MARK2: variants seen among roughly 807,000 people sequenced by gnomAD.
MARK2 encodes the protein serine/threonine-protein kinase MARK2.
MARK2 carries 16 observed loss-of-function variants against 89.8 expected under a neutral mutation model. The ratio of observed to expected loss-of-function variants is 0.18; its 90% CI spans 0.12 to 0.27. The LOEUF (loss-of-function observed/expected upper bound fraction) is 0.27, where lower values mean the gene tolerates loss of function less well. MARK2 is among the 10% of genes least tolerant of loss of function. The pLI, the probability that MARK2 is intolerant of heterozygous loss-of-function variation, is 1.00. For synonymous variants in MARK2, 382 were observed against 399.5 expected (o/e 0.96, Z 0.52); for missense variants, 621 against 1,049.9 (o/e 0.59, Z 5.65).
At chr11:63,871,320 T>C (rs1938436250) in intron 1 of MARK2, among the ~76,000 whole-genome samples, 1 of 152,138 alleles carries the variant, frequency 6.6e-6, no homozygotes, top group African/African-American at 2.4e-5. Flanking sequence ...GTATTCACTG[T>C]GTGCAGGTGT....
chr11:63,863,518 G>A (rs1937941296), intron 1 of MARK2, among the ~76,000 whole-genome samples: 1 of 136,062 alleles, frequency 7.3e-6, no homozygotes. Context: ...AGGCTGGAGT[G>A]CAGTGGCGCA....
intron 1 of MARK2, among the ~76,000 whole-genome samples, chr11:63,878,065 C>T (rs1231940261): frequency 6.6e-6 from 1 of 152,222 alleles, no homozygotes; most frequent in African/African-American, 2.4e-5. Flanking sequence ...CCCAGTAAGG[C>T]AGGTATGAAG....
chr11:63,863,556 C>A (rs559907971), intron 1 of MARK2, among the ~76,000 whole-genome samples: 1 of 150,092 alleles, frequency 6.7e-6, no homozygotes, highest in East Asian at 2.0e-4. Context: ...CCTCTGCCTC[C>A]TGGGTTCAAG....
chr11:63,890,291 C>A (rs1252109669), intron 1 of MARK2: 3 of 1,343,626 alleles, frequency 2.2e-6, no homozygotes, highest in Non-Finnish European at 2.9e-6. Flanking sequence ...AGAAGGGGTG[C>A]AGGGGTAAGT....
At chr11:63,869,211 C>T in intron 1 of MARK2, 1 of 186,394 alleles carries the variant, frequency 5.4e-6, no homozygotes, top group Non-Finnish European at 1.1e-5. Context: ...GCTCCCCCCT[C>T]ACCCCACCCA....
chr11:63,875,968 T>C (rs1938727892), intron 1 of MARK2, among the ~76,000 whole-genome samples: 1 of 152,216 alleles, frequency 6.6e-6, no homozygotes, highest in African/African-American at 2.4e-5. Context: ...GGCCACACTG[T>C]GCACACGCAT....
rs1453561747 is a variant in MARK2 at position 63,902,569 on chromosome 11, C to T, written c.1235-32C>T. ...GGCTGGCACTCAGTGGACCCCTTGG[C>T]CTTACCCATTCCCATCCTCCCTCTG... On this transcript the variant is annotated intron_variant, in intron 12 of 18. Transcript: ENST00000402010. The surrounding 1 kb of genome is among the most constrained non-coding windows in gnomAD (Gnocchi z 4.2). 2 of 1,599,228 alleles carry T rather than the reference C, an allele frequency of 1.3e-6. No homozygotes were observed. The highest frequency in any genetic ancestry group is 1.7e-6 in the Non-Finnish European group (2 of 1,169,562).
In MARK2 at chr11:63,909,438, C is replaced by T; in HGVS notation, c.*201C>T. 1.9e-6 allele frequency: 1 copy of T among 514,586 alleles called. No homozygotes were observed. The allele number at this position is 514,586 out of a possible 1,614,324, so 31.9% of individuals were successfully genotyped here. On this transcript the variant is annotated 3_prime_UTR_variant, in exon 19 of 19. Transcript: ENST00000402010. ...TGTTCTCCAGCACCCCACATTCACC[C>T]CTGCCCAGAGATTCCCCCTTCTCCT...
At chr11:63,878,841 C>T (rs976995828) in intron 1 of MARK2, among the ~76,000 whole-genome samples, 5 of 152,150 alleles carry the variant, frequency 3.3e-5, no homozygotes, top group African/African-American at 1.2e-4. Context: ...TCACGTACCC[C>T]TTGAAATACT....
intron 1 of MARK2, among the ~76,000 whole-genome samples, chr11:63,866,374 GTGT>G (rs1938133177): frequency 6.7e-6 from 1 of 148,582 alleles, no homozygotes; most frequent in Non-Finnish European, 1.5e-5. Flanking sequence ...AAAAAAAGTA[GTGT>G]TTAAAAGCAA....
At chr11:63,866,433 C>T (rs1274913801) in intron 1 of MARK2, among the ~76,000 whole-genome samples, 13 of 151,970 alleles carry the variant, frequency 8.6e-5, no homozygotes, top group Admixed American at 5.9e-4. Flanking sequence ...GTGAAACAGC[C>T]GATAGGGCAG....
rs1940550110 is a variant in MARK2, at chr11:63,897,917, C to T, written c.289-315C>T. 2.0e-5 allele frequency among the ~76,000 whole-genome samples: 3 copies of T among 152,214 alleles called. No individual in the cohort carries two copies. The South Asian group carries it at 6.2e-4, about 32-fold the overall frequency. On this transcript the variant is annotated intron_variant, in intron 3 of 18. Coordinates refer to ENST00000402010, the MANE Select transcript of MARK2 (RefSeq NM_001039469.3). ...TTCTGAATATTCACGCACACGGGCT[C>T]ACACTCCCTCCAGTAGAGGCACCCA... is the stretch of plus-strand genomic sequence containing the variant.
intron 1 of MARK2, among the ~76,000 whole-genome samples, chr11:63,845,483 G>A (rs1358850217): frequency 6.6e-6 from 1 of 152,140 alleles, no homozygotes; most frequent in African/African-American, 2.4e-5. Context: ...GGATTCTCCA[G>A]GCCTCCTCCC....
intron 1 of MARK2, among the ~76,000 whole-genome samples, chr11:63,873,030 C>T (rs1938549116): frequency 6.6e-6 from 1 of 151,770 alleles, no homozygotes. Flanking sequence ...AACTCTGGAG[C>T]ACGTTACTGT....
intron 17 of MARK2, 101 bp downstream of exon 17, chr11:63,906,215 C>T: frequency 8.1e-7 from 1 of 1,235,904 alleles, no homozygotes; most frequent in African/African-American, 1.6e-5. Flanking sequence ...TACTCTCCTC[C>T]ATCTGCTTAA....
rs755130354 is a variant in MARK2 at position 63,904,010 on chromosome 11, C to A, written c.1539C>A (p.Ala513=). 1.9e-6 allele frequency: 3 copies of A among 1,609,670 alleles called. No homozygotes were observed. Among genetic ancestry groups the A allele is most frequent in the Non-Finnish European group, 2.5e-6 (3 of 1,178,886 alleles). ...GCCTAACCATGCCAGGGTCCCGGGC[C>A]TCCACGGCTTCTGCTTCTGCCGCAG... is the stretch of plus-strand genomic sequence containing the variant. ...KDSLTMPGSR[A]STASASAAVS... is the part of the protein sequence containing the mutation. Residue 513 remains alanine (A), a synonymous_variant, in exon 15 of 19, where the codon GCC becomes GCA. Transcript: ENST00000402010. The surrounding 1 kb of genome is among the most constrained non-coding windows in gnomAD (Gnocchi z 6.3).
chr11:63,908,843 C>G (rs754909507), intron 18 of MARK2, 34 bp from the exon 19 acceptor site: 309 of 1,434,244 alleles, frequency 2.2e-4, no homozygotes, highest in Non-Finnish European at 2.8e-4. Flanking sequence ...GTGCCTCAGC[C>G]CCCCCGTGAC....
intron 7 of MARK2, among the ~76,000 whole-genome samples, chr11:63,899,319 C>T (rs1590681971): frequency 1.3e-5 from 2 of 151,710 alleles, no homozygotes; most frequent in African/African-American, 4.8e-5. Context: ...GGCTGGACCT[C>T]GGGTTCCATT....
Position 63,904,183 on chromosome 11 carries a change from CT to C in MARK2, c.1676+37del, listed in dbSNP as rs1297206982. ...TGGGGCAGCTGGTGCACCTGCTGCCCTCAGCCCACCCTACCCCCTTGCCCCA... is the reference window on the plus strand; with the variant it reads ...TGGGGCAGCTGGTGCACCTGCTGCCCCAGCCCACCCTACCCCCTTGCCCCA... On this transcript the variant is annotated intron_variant, in intron 15 of 18. Coordinates refer to ENST00000402010, the MANE Select transcript of MARK2 (RefSeq NM_001039469.3). The surrounding 1 kb of genome is among the most constrained non-coding windows in gnomAD (Gnocchi z 6.3). The C allele has an allele frequency of 2.0e-6, 3 of 1,512,652 alleles. No homozygotes were observed. Among genetic ancestry groups the C allele is most frequent in the South Asian group, 1.2e-5 (1 of 82,492 alleles). 93.7% of individuals were successfully genotyped at this position (1,512,652 alleles called of 1,614,324 possible). A position where few individuals can be genotyped will look rare whatever the true frequency, so the allele number is the denominator to read the frequency against.
Sources: allele counts gnomAD v4.1 joint callset (sites outside exome capture counted in the v4.1 genomes callset), GRCh38; gene constraint gnomAD v4.1.1; non-coding constraint Gnocchi (gnomAD v3.1); transcripts MANE v1.5; gene names NCBI Gene and HGNC (gene_info 2026-07-23, HGNC 2026-07-21).